Variants in GAS2L3 observed in about 807,000 individuals in gnomAD.
GAS2L3 encodes GAS2-like protein 3.
GAS2L3 carries 28 observed loss-of-function variants against 37.0 expected under a neutral mutation model. That is an observed-to-expected ratio of 0.76 (90% CI 0.56 to 1.04). The LOEUF (loss-of-function observed/expected upper bound fraction) is 1.04, where lower values mean the gene tolerates loss of function less well. GAS2L3 is among the 50% of genes least tolerant of loss of function. The probability of loss-of-function intolerance (pLI) is 0.00; values close to 1 mark genes in which losing one functional copy is unlikely to be tolerated. For synonymous variants in GAS2L3, 290 were observed against 296.6 expected (o/e 0.98, Z 0.23); for missense variants, 793 against 817.6 (o/e 0.97, Z 0.37).
At chr12:100,590,484 A>C (rs1955832415) in intron 1 of GAS2L3, among the ~76,000 whole-genome samples, 1 of 152,234 alleles carries the variant, frequency 6.6e-6, no homozygotes, top group Non-Finnish European at 1.5e-5. Context: ...GTAAACTAGT[A>C]CAGATGCTGT....
Position 100,601,760 on chromosome 12 carries a change from A to G in GAS2L3, c.303+7A>G. 1.4e-6 allele frequency: 2 copies of G among 1,419,650 alleles called. No individual in the cohort carries two copies. Among genetic ancestry groups the G allele is most frequent in the East Asian group, 2.3e-5 (1 of 43,228 alleles). 87.9% of individuals were successfully genotyped at this position (1,419,650 alleles called of 1,614,324 possible). On this transcript the variant is annotated splice_region_variant and intron_variant, in intron 5 of 9. Coordinates refer to ENST00000547754, the MANE Select transcript of GAS2L3 (RefSeq NM_174942.3). ...CAACTCTGAAGAATCAGGGGTAAGT[A>G]AATGTTCGACAGTATTGATTTTATG...
chr12:100,581,475 C>T (rs947302555), intron 1 of GAS2L3, among the ~76,000 whole-genome samples: 6 of 152,088 alleles, frequency 3.9e-5, no homozygotes, highest in Admixed American at 2.0e-4. Context: ...AGATAGATTC[C>T]GTCAGTATTG....
intron 1 of GAS2L3, among the ~76,000 whole-genome samples, chr12:100,582,833 C>G (rs376842989): frequency 1.3e-5 from 2 of 152,246 alleles, no homozygotes; most frequent in African/African-American, 4.8e-5. Flanking sequence ...GTGTTTGGAG[C>G]CTCCAAGGGA....
chr12:100,578,752 T>C (rs1955669655), intron 1 of GAS2L3: 2 of 556,930 alleles, frequency 3.6e-6, no homozygotes, highest in Non-Finnish European at 6.6e-6. Flanking sequence ...GCATGGCGTA[T>C]AAAGGAGAAG....
At position 100,624,876 on chromosome 12, in the gene GAS2L3, A is replaced by G. The variant is rs745471840; in HGVS notation, c.2071A>G (p.Lys691Glu). 7 of 1,574,876 alleles carry G rather than the reference A, an allele frequency of 4.4e-6. No homozygotes were observed. Among genetic ancestry groups the G allele is most frequent in the Non-Finnish European group, 2.6e-6 (3 of 1,155,086 alleles). ...TTATTTTGTCATGACTGGAAGTAAGAAACCTAGAAAATAAATACATACTCA... is the reference window on the plus strand; with the variant it reads ...TTATTTTGTCATGACTGGAAGTAAGGAACCTAGAAAATAAATACATACTCA... Reference protein sequence around the residue: ...DHYFVMTGSKKPRK With the variant: ...DHYFVMTGSKEPRK Residue 691 changes from lysine to glutamate, a missense_variant, in exon 10 of 10, where the codon AAA becomes GAA. Physicochemically the swap from Lys to Glu is moderately conservative, Grantham distance 56 (BLOSUM62 1). Coordinates refer to ENST00000547754, the MANE Select transcript of GAS2L3 (RefSeq NM_174942.3).
intron 5 of GAS2L3, 59 bp from the exon 6 acceptor site, chr12:100,611,941 G>A (rs1454131580): frequency 1.8e-6 from 2 of 1,141,028 alleles, no homozygotes; most frequent in East Asian, 4.7e-5. Flanking sequence ...ATATCAAAAT[G>A]AATGTTTAAT....
At chr12:100,615,199 C>G (rs1218080518) in intron 6 of GAS2L3, among the ~76,000 whole-genome samples, 2 of 152,124 alleles carry the variant, frequency 1.3e-5, no homozygotes, top group Non-Finnish European at 2.9e-5. Context: ...TTATAACCAT[C>G]CTAGTGGGTG....
intron 2 of GAS2L3, chr12:100,592,303 T>G (rs898226898): frequency 6.6e-6 from 1 of 152,154 alleles, no homozygotes. Flanking sequence ...TTAATGTTAT[T>G]CTTTTTCCTG....
At chr12:100,604,197 G>A (rs1213762476) in intron 5 of GAS2L3, among the ~76,000 whole-genome samples, 1 of 151,924 alleles carries the variant, frequency 6.6e-6, no homozygotes, top group Non-Finnish European at 1.5e-5. Context: ...GAGTAGTATG[G>A]CCGTTTTAAC....
At chr12:100,616,555 C>T (rs1956189808) in intron 6 of GAS2L3, among the ~76,000 whole-genome samples, 1 of 151,954 alleles carries the variant, frequency 6.6e-6, no homozygotes, top group Admixed American at 6.6e-5. Context: ...CCTGCCTCAG[C>T]CTCTTGAGTA....
intron 5 of GAS2L3, among the ~76,000 whole-genome samples, chr12:100,604,276 A>G (rs1454926871): frequency 2.0e-5 from 3 of 151,692 alleles, no homozygotes; most frequent in South Asian, 2.1e-4. Flanking sequence ...TCAATTTTTC[A>G]TTAGTGTTTT....
Position 100,623,677 on chromosome 12 carries a change from A to T in GAS2L3, c.872A>T (p.Lys291Ile). ...RILQFATLEQ[K>I]ILAFQKGVSN... ...TTACAGTTTGCCACATTAGAACAAA[A>T]AATTTTAGCATTTCAAAAAGGAGTT... Residue 291 changes from lysine to isoleucine, a missense_variant, in exon 10 of 10, where the codon AAA becomes ATA. Lys to Ile is a moderately radical substitution (Grantham distance 102). Coordinates refer to ENST00000547754, the MANE Select transcript of GAS2L3 (RefSeq NM_174942.3). 1 of 1,614,096 alleles carries T rather than the reference A, an allele frequency of 6.2e-7. No individual in the cohort carries two copies. The highest frequency in any genetic ancestry group is 8.5e-7 in the Non-Finnish European group (1 of 1,179,976).
intron 1 of GAS2L3, among the ~76,000 whole-genome samples, chr12:100,584,541 T>C (rs147911460): frequency 4.5e-4 from 68 of 152,228 alleles, no homozygotes; most frequent in African/African-American, 1.2e-3. Flanking sequence ...TCTAGATTCA[T>C]ATTTCCAACT....
chr12:100,576,316 T>G (rs1269846142), intron 1 of GAS2L3, among the ~76,000 whole-genome samples: 1 of 152,200 alleles, frequency 6.6e-6, no homozygotes, highest in Admixed American at 6.5e-5. Context: ...GTTATTTGGA[T>G]AGATTACTAA....
intron 1 of GAS2L3, among the ~76,000 whole-genome samples, chr12:100,588,419 A>G (rs1955806873): frequency 1.3e-5 from 2 of 152,218 alleles, no homozygotes; most frequent in South Asian, 4.1e-4. Flanking sequence ...AGGAGTAGGT[A>G]CAAAGATCAC....
intron 1 of GAS2L3, among the ~76,000 whole-genome samples, chr12:100,583,021 G>T (rs1409625116): frequency 6.6e-6 from 1 of 152,186 alleles, no homozygotes; most frequent in African/African-American, 2.4e-5. Flanking sequence ...TGACCTTTCT[G>T]CATCCCTCTT....
At chr12:100,577,216 T>G (rs953352664) in intron 1 of GAS2L3, among the ~76,000 whole-genome samples, 4 of 152,218 alleles carry the variant, frequency 2.6e-5, no homozygotes, top group African/African-American at 7.2e-5. Context: ...TTGAAGTGGT[T>G]AAATGAGTCT....
chr12:100,615,436 G>A (rs142890882), intron 6 of GAS2L3, among the ~76,000 whole-genome samples: 1 of 151,832 alleles, frequency 6.6e-6, no homozygotes, highest in African/African-American at 2.4e-5. Flanking sequence ...TTTTCTCCTA[G>A]CCTTTGGGTT....
chr12:100,578,715 C>G (rs929724891), intron 1 of GAS2L3: 4 of 460,212 alleles, frequency 8.7e-6, no homozygotes, highest in African/African-American at 5.8e-5. Context: ...CTGGGTTGCT[C>G]TAAGAACTGA....
Sources: allele counts gnomAD v4.1 joint callset (sites outside exome capture counted in the v4.1 genomes callset), GRCh38; gene constraint gnomAD v4.1.1; transcripts MANE v1.5; gene names NCBI Gene and HGNC (gene_info 2026-07-23, HGNC 2026-07-21).